TBC1D14: variants seen among roughly 807,000 people sequenced by gnomAD.
TBC1D14 encodes the protein TBC1 domain family, member 14.
A neutral mutation model predicts 79.0 loss-of-function variants in TBC1D14; 26 were observed. The observed-to-expected ratio is 0.33, with a 90% CI of 0.24 to 0.46. The LOEUF (loss-of-function observed/expected upper bound fraction) is 0.46. Ranked by LOEUF, TBC1D14 falls within the 20% of genes least tolerant of loss-of-function variation. TBC1D14 has a pLI of 1.00. For synonymous variants in TBC1D14, 394 were observed against 349.9 expected (o/e 1.13, Z -1.40); for missense variants, 769 against 887.6 (o/e 0.87, Z 1.70).
intron 3 of TBC1D14, among the ~76,000 whole-genome samples, chr4:6,980,055 A>G (rs1403961178): frequency 6.6e-6 from 1 of 152,222 alleles, no homozygotes; most frequent in African/African-American, 2.4e-5. Flanking sequence ...AACCTGATCT[A>G]ATTCACAATT....
chr4:6,928,644 C>G (rs1371881726), intron 2 of TBC1D14, among the ~76,000 whole-genome samples: 1 of 152,124 alleles, frequency 6.6e-6, no homozygotes, highest in East Asian at 1.9e-4. Context: ...ACCAACCTGG[C>G]CAACATGGTG....
chr4:6,909,693 G>A (rs977518352), upstream of TBC1D14, among the ~76,000 whole-genome samples: 1 of 151,092 alleles, frequency 6.6e-6, no homozygotes, highest in Admixed American at 6.6e-5. Context: ...AGACGCGGCG[G>A]CACGGGCGGA....
chr4:6,976,649 G>A (rs1334549322), intron 3 of TBC1D14, among the ~76,000 whole-genome samples: 1 of 152,192 alleles, frequency 6.6e-6, no homozygotes, highest in African/African-American at 2.4e-5. Flanking sequence ...CAGCAGACTT[G>A]CTGAAAGAAG....
intron 2 of TBC1D14, among the ~76,000 whole-genome samples, chr4:6,949,682 C>A (rs200205290): frequency 4.9e-4 from 68 of 138,410 alleles, no homozygotes; most frequent in Admixed American, 6.5e-4. Flanking sequence ...GACTCCGTCT[C>A]AAAAAAAAAA....
chr4:6,986,478 C>T (rs751332677), intron 3 of TBC1D14, among the ~76,000 whole-genome samples: 1 of 152,162 alleles, frequency 6.6e-6, no homozygotes, highest in Non-Finnish European at 1.5e-5. Context: ...TTATTTTATC[C>T]TGGCGGCCGT....
intron 3 of TBC1D14, among the ~76,000 whole-genome samples, chr4:6,969,510 A>G (rs566760281): frequency 2.0e-4 from 30 of 151,906 alleles, no homozygotes; most frequent in African/African-American, 7.2e-4. Flanking sequence ...GATTCATGTC[A>G]TTCTCCTGCC....
chr4:6,914,653 T>A (rs1723251838), intron 1 of TBC1D14, among the ~76,000 whole-genome samples: 1 of 152,194 alleles, frequency 6.6e-6, no homozygotes, highest in African/African-American at 2.4e-5. Context: ...GCCTGATGTG[T>A]CATCTGCGCT....
chr4:6,967,314 G>C lies in TBC1D14; in HGVS notation c.733G>C (p.Ala245Pro), dbSNP rs1351414787. 1 of 1,613,728 alleles carries C rather than the reference G, an allele frequency of 6.2e-7. No homozygotes were observed. The highest frequency in any genetic ancestry group is 1.7e-5 in the Admixed American group (1 of 59,858). Residue 245 changes from alanine to proline, a missense_variant, in exon 3 of 14, where the codon GCT becomes CCT. Ala to Pro is a conservative substitution (Grantham distance 27). This residue lies in a region of TBC1D14 where 402 missense variants were observed against 393.2 expected (regional missense o/e 1.02). Transcript: ENST00000409757. ...FSNFFARNLLARKQSARLDKH... is the reference protein window; with the variant it reads ...FSNFFARNLLPRKQSARLDKH... Reference sequence around the variant, plus strand: ...ATTTTCTTCCTATAGGAACTTGCTTGCTAGAAAACAAAGTGCAAGGCTTGA... The same window carrying C: ...ATTTTCTTCCTATAGGAACTTGCTTCCTAGAAAACAAAGTGCAAGGCTTGA...
At chr4:6,930,908 A>G (rs1711662730) in intron 2 of TBC1D14, among the ~76,000 whole-genome samples, 1 of 151,774 alleles carries the variant, frequency 6.6e-6, no homozygotes, top group South Asian at 2.1e-4. Context: ...ATTTATTTTT[A>G]AAATGTTTTT....
At chr4:6,955,144 G>A (rs1227055522) in intron 2 of TBC1D14, among the ~76,000 whole-genome samples, 4 of 152,358 alleles carry the variant, frequency 2.6e-5, no homozygotes, top group South Asian at 2.1e-4. Context: ...TCATGTCTCT[G>A]TGACAGTTCA....
Position 7,032,367 on chromosome 4 carries a change from C to T in TBC1D14, c.*1975C>T, listed in dbSNP as rs1055028404. 3 of 152,648 alleles carry T rather than the reference C, an allele frequency of 2.0e-5. No individual in the cohort carries two copies. The highest frequency in any genetic ancestry group is 7.2e-5 in the African/African-American group (3 of 41,450). 9.5% of individuals were successfully genotyped at this position (152,648 alleles called of 1,614,324 possible). ...CTGTACATAAAGATGTTCCTTAAGT[C>T]GTACAGAAGGTGGCGCGGCAAAGGG... On this transcript the variant is annotated 3_prime_UTR_variant, in exon 14 of 14. Transcript: ENST00000409757.
chr4:7,014,525 C>T lies in TBC1D14; in HGVS notation c.1725C>T (p.Asn575=). ...AATTATTTGCGCATTTCAAGAAGAA[C>T]AACCTAACTCCAGATATCTACCTAA... ...LPKLFAHFKK[N]NLTPDIYLID... Residue 575 remains asparagine, a synonymous_variant, in exon 12 of 14, where the codon AAC becomes AAT. Coordinates refer to ENST00000409757, the MANE Select transcript of TBC1D14 (RefSeq NM_020773.3). 1 of 1,613,618 alleles carries T rather than the reference C, an allele frequency of 6.2e-7. No homozygotes were observed. Among genetic ancestry groups the T allele is most frequent in the Non-Finnish European group, 8.5e-7 (1 of 1,179,622 alleles).
intron 3 of TBC1D14, among the ~76,000 whole-genome samples, chr4:6,979,372 A>G (rs1717147582): frequency 2.0e-5 from 3 of 152,176 alleles, no homozygotes; most frequent in Admixed American, 2.0e-4. Context: ...TGCACCTGTA[A>G]TCCCAGCACT....
rs768012968 is a variant in TBC1D14 at position 6,923,500 on chromosome 4, G to A, written c.111G>A (p.Ala37=). Residue 37 remains alanine, a synonymous_variant, in exon 2 of 14, where the codon GCG becomes GCA. Transcript: ENST00000409757. ...ACCTGCAACACGTCAATCTCAAGGC[G>A]CCCCGACTCCTCTCCGCGCCTGAGT... ...LQNLQHVNLK[A]PRLLSAPEYG... 27 of 1,614,012 alleles carry A rather than the reference G, an allele frequency of 1.7e-5. No individual in the cohort carries two copies. Among genetic ancestry groups the A allele is most frequent in the Middle Eastern group, 3.3e-4 (2 of 6,084 alleles).
In TBC1D14 at chr4:7,010,730, C is replaced by A; in HGVS notation, c.1596C>A (p.Asn532Lys). 1 of 1,614,128 alleles carries A rather than the reference C, an allele frequency of 6.2e-7. No individual in the cohort carries two copies. The highest frequency in any genetic ancestry group is 8.5e-7 in the Non-Finnish European group (1 of 1,180,004). ...CAGATGCCTTTATTGCCTTTTCTAACCTTCTGAATAAACCCTGTCAAATGG... is the reference window on the plus strand; with the variant it reads ...CAGATGCCTTTATTGCCTTTTCTAAACTTCTGAATAAACCCTGTCAAATGG... ...DTADAFIAFS[N>K]LLNKPCQMAF... The change falls in exon 11 of 14, where the codon AAC becomes AAA. Residue 532 changes from asparagine (N) to lysine (K), a missense_variant. Coordinates refer to ENST00000409757, the MANE Select transcript of TBC1D14 (RefSeq NM_020773.3).
chr4:6,956,182 C>A (rs558531245), intron 2 of TBC1D14, among the ~76,000 whole-genome samples: 1 of 152,254 alleles, frequency 6.6e-6, no homozygotes, highest in Admixed American at 6.5e-5. Context: ...TTAGAGAATT[C>A]CCCAAACTGT....
At chr4:6,979,477 T>C (rs1238682317) in intron 3 of TBC1D14, among the ~76,000 whole-genome samples, 13 of 152,090 alleles carry the variant, frequency 8.5e-5, no homozygotes, top group Admixed American at 8.5e-4. Flanking sequence ...AAAATTTACT[T>C]GGGCATGGTG....
At chr4:6,976,163 A>C (rs1716696454) in intron 3 of TBC1D14, among the ~76,000 whole-genome samples, 2 of 152,202 alleles carry the variant, frequency 1.3e-5, no homozygotes, top group African/African-American at 4.8e-5. Flanking sequence ...AAATGAACAG[A>C]GCCTTAGGAA....
intron 3 of TBC1D14, among the ~76,000 whole-genome samples, chr4:6,988,984 C>G (rs1718198206): frequency 6.9e-6 from 1 of 144,808 alleles, no homozygotes; most frequent in Non-Finnish European, 1.5e-5. Context: ...TCAAGTGATC[C>G]TTGTCTCAGC....
Sources: allele counts gnomAD v4.1 joint callset (sites outside exome capture counted in the v4.1 genomes callset), GRCh38; gene constraint gnomAD v4.1.1; regional missense constraint gnomAD v4.1.1; transcripts MANE v1.5; gene names NCBI Gene and HGNC (gene_info 2026-07-23, HGNC 2026-07-21).